The following KSR2 variants were observed in gnomAD, a reference collection of about 807,000 sequenced individuals.
KSR2 encodes kinase suppressor of ras 2.
KSR2 carries 25 observed loss-of-function variants against 107.8 expected under a neutral mutation model. The ratio of observed to expected loss-of-function variants is 0.23; its 90% CI spans 0.17 to 0.32. The LOEUF is 0.32. KSR2 is among the 10% of genes least tolerant of loss of function. The pLI, the probability that KSR2 is intolerant of heterozygous loss-of-function variation, is 1.00. For missense variants in KSR2, 887 were observed against 1,268.9 expected (o/e 0.70, Z 4.57); for synonymous variants, 480 against 507.0 (o/e 0.95, Z 0.71).
At chr12:117,860,674 G>T (rs959870253) in intron 1 of KSR2, among the ~76,000 whole-genome samples, 3 of 152,178 alleles carry the variant, frequency 2.0e-5, no homozygotes, top group African/African-American at 7.2e-5. Context: ...TACCAGTTCA[G>T]TGGAGGGCCT....
chr12:117,792,275 G>A (rs867940002), intron 3 of KSR2, among the ~76,000 whole-genome samples: 9 of 152,082 alleles, frequency 5.9e-5, no homozygotes, highest in Admixed American at 2.0e-4. Flanking sequence ...GCTTAAGCCC[G>A]GGAGGTCGAG....
intron 5 of KSR2, among the ~76,000 whole-genome samples, chr12:117,630,995 C>T (rs536780430): frequency 3.3e-5 from 5 of 152,232 alleles, no homozygotes; most frequent in African/African-American, 1.2e-4. Flanking sequence ...TGACAAGAGA[C>T]GGGCTGTAGA....
chr12:117,966,692 C>T (rs911112688), intron 1 of KSR2, among the ~76,000 whole-genome samples: 3 of 138,242 alleles, frequency 2.2e-5, no homozygotes, highest in Non-Finnish European at 4.9e-5. Flanking sequence ...CTTTCTCCCT[C>T]CCTCTCTCTC....
chr12:117,851,165 G>A (rs1892907938), intron 3 of KSR2, among the ~76,000 whole-genome samples: 1 of 152,192 alleles, frequency 6.6e-6, no homozygotes, highest in Admixed American at 6.5e-5. Flanking sequence ...AGGTCCCAGT[G>A]GCCCTAAGGC....
Position 117,859,617 on chromosome 12 carries a change from C to T in KSR2, c.321+674G>A, listed in dbSNP as rs143826451. ...GACCACAGGCATGCACCACCACACC[C>T]GGCTAATTTTTGTATTTTTTGTAGA... On this transcript the variant is annotated intron_variant, in intron 2 of 19. Coordinates refer to ENST00000339824, the MANE Select transcript of KSR2 (RefSeq NM_173598.6). Among the ~76,000 whole-genome samples the T allele has an allele frequency of 4.2e-3, 639 of 151,764 alleles. 8 individuals are homozygous for T. The highest frequency in any genetic ancestry group is 0.015 in the African/African-American group (616 of 41,360).
At chr12:117,737,430 C>G (rs1318199394) in intron 4 of KSR2, among the ~76,000 whole-genome samples, 1 of 152,064 alleles carries the variant, frequency 6.6e-6, no homozygotes, top group Admixed American at 6.6e-5. Context: ...TTCTGTAAAC[C>G]ATCTTCTCAT....
At chr12:117,810,678 A>G (rs1303193906) in intron 3 of KSR2, among the ~76,000 whole-genome samples, 2 of 152,158 alleles carry the variant, frequency 1.3e-5, no homozygotes, top group African/African-American at 4.8e-5. Flanking sequence ...CCTCATCCTA[A>G]CATTCCAAGC....
intron 4 of KSR2, among the ~76,000 whole-genome samples, chr12:117,718,251 A>G (rs1887073350): frequency 6.6e-6 from 1 of 152,246 alleles, no homozygotes; most frequent in African/African-American, 2.4e-5. Flanking sequence ...TTAAATACAA[A>G]GAAGCTCTTC....
At chr12:117,682,024 C>T (rs1012952291) in intron 4 of KSR2, among the ~76,000 whole-genome samples, 2 of 152,128 alleles carry the variant, frequency 1.3e-5, no homozygotes, top group African/African-American at 2.4e-5. Context: ...AACCCAAATG[C>T]CCATCAATGA....
At chr12:117,696,108 A>C (rs946699083) in intron 4 of KSR2, among the ~76,000 whole-genome samples, 1 of 152,160 alleles carries the variant, frequency 6.6e-6, no homozygotes, top group East Asian at 1.9e-4. Flanking sequence ...GGACTCCCCA[A>C]GTACCAAAAG....
intron 1 of KSR2, among the ~76,000 whole-genome samples, chr12:117,891,378 T>C (rs988890015): frequency 2.0e-5 from 3 of 150,548 alleles, no homozygotes; most frequent in Non-Finnish European, 4.4e-5. Context: ...ATTGTGTCAC[T>C]GCACTCCAGC....
At chr12:117,527,929 C>T (rs1875319854) in intron 12 of KSR2, among the ~76,000 whole-genome samples, 1 of 148,088 alleles carries the variant, frequency 6.8e-6, no homozygotes, top group Admixed American at 6.8e-5. Context: ...ATAAAAAGAC[C>T]ATATTGAGCT....
intron 1 of KSR2, among the ~76,000 whole-genome samples, chr12:117,862,228 A>G (rs1040154307): frequency 2.0e-5 from 3 of 152,148 alleles, no homozygotes; most frequent in African/African-American, 7.2e-5. Context: ...AACCTGGCCT[A>G]TATTATCATC....
At chr12:117,803,762 C>T (rs756332074) in intron 3 of KSR2, among the ~76,000 whole-genome samples, 19 of 152,162 alleles carry the variant, frequency 1.2e-4, no homozygotes, top group Admixed American at 5.2e-4. Flanking sequence ...GCACTAGCTA[C>T]GATTCTGTCT....
rs148825147 is a variant in KSR2 at position 117,692,535 on chromosome 12, T to C, written c.987-24877A>G. Among the ~76,000 whole-genome samples the C allele has an allele frequency of 2.6e-3, 339 of 129,276 alleles. 14 individuals carry two copies. The East Asian group carries it at 0.03, about 12-fold the overall frequency. The allele number at this position is 129,276 out of a possible 152,430, so 84.8% of individuals were successfully genotyped here. ...ACACACATATATATACACACACACA[T>C]ATATATACACATACATATATATATA... On this transcript the variant is annotated intron_variant, in intron 4 of 19. Transcript: ENST00000339824.
chr12:117,493,306 T>C (rs1348523640), intron 14 of KSR2, among the ~76,000 whole-genome samples: 1 of 152,150 alleles, frequency 6.6e-6, no homozygotes, highest in Admixed American at 6.5e-5. Context: ...AATGCACAAT[T>C]GATCAGGTCA....
chr12:117,458,105 A>T lies in KSR2; in HGVS notation c.*9094T>A, dbSNP rs1398366394. The T allele has an allele frequency of 1.3e-5, 2 of 152,230 alleles. No individual in the cohort carries two copies. The highest frequency in any genetic ancestry group is 4.8e-5 in the African/African-American group (2 of 41,460). The allele number at this position is 152,230 out of a possible 1,614,324, so 9.4% of individuals were successfully genotyped here. On this transcript the variant is annotated 3_prime_UTR_variant, in exon 20 of 20. Coordinates refer to ENST00000339824, the MANE Select transcript of KSR2 (RefSeq NM_173598.6). ...ACTCATCACTGAATGCCCAGGGTCT[A>T]ACACATAGTAGATGCTCAACAAATC...
chr12:117,827,586 T>C (rs1593275898), intron 3 of KSR2, among the ~76,000 whole-genome samples: 1 of 152,258 alleles, frequency 6.6e-6, no homozygotes, highest in African/African-American at 2.4e-5. Flanking sequence ...GATCAAATAA[T>C]TGATCAATGT....
chr12:117,552,727 A>T (rs1877392602), intron 9 of KSR2, among the ~76,000 whole-genome samples: 1 of 152,260 alleles, frequency 6.6e-6, no homozygotes. Flanking sequence ...CAGGCCATGC[A>T]GTCTCTGTCA....
Sources: allele counts gnomAD v4.1 joint callset (sites outside exome capture counted in the v4.1 genomes callset), GRCh38; gene constraint gnomAD v4.1.1; transcripts MANE v1.5; gene names NCBI Gene and HGNC (gene_info 2026-07-23, HGNC 2026-07-21).